MAD1L1: variants seen among roughly 807,000 people sequenced by gnomAD.
MAD1L1 encodes mitotic arrest deficient 1 like 1.
A neutral mutation model predicts 96.9 loss-of-function variants in MAD1L1; 95 were observed. That is an observed-to-expected ratio of 0.98 (90% CI 0.83 to 1.16). The LOEUF (loss-of-function observed/expected upper bound fraction) is 1.16. Among genes scored for constraint, MAD1L1 ranks in the 50% most tolerant of loss-of-function variants. The probability of loss-of-function intolerance (pLI) is 0.00; values close to 1 mark genes in which losing one functional copy is unlikely to be tolerated. For missense variants in MAD1L1, 1,007 were observed against 954.4 expected (o/e 1.06, Z -0.73); for synonymous variants, 473 against 396.6 (o/e 1.19, Z -2.29).
intron 12 of MAD1L1, among the ~76,000 whole-genome samples, chr7:2,044,543 T>C (rs970393666): frequency 6.6e-6 from 1 of 152,106 alleles, no homozygotes; most frequent in African/African-American, 2.4e-5. Context: ...GATAACACAA[T>C]TTCCCAAATG....
chr7:1,873,959 C>T (rs925160019), intron 18 of MAD1L1, among the ~76,000 whole-genome samples: 37 of 152,120 alleles, frequency 2.4e-4, no homozygotes, highest in Non-Finnish European at 4.9e-4. Flanking sequence ...GCCAGAGGGC[C>T]TCTTGGAGCA....
At chr7:1,821,018 T>A (rs1299415932) in intron 18 of MAD1L1, among the ~76,000 whole-genome samples, 4 of 140,082 alleles carry the variant, frequency 2.9e-5, no homozygotes, top group Non-Finnish European at 3.0e-5. Flanking sequence ...GAGGCGGAGC[T>A]TGCAGTGAGC....
intron 14 of MAD1L1, among the ~76,000 whole-genome samples, chr7:1,987,927 C>G (rs184943382): frequency 6.6e-6 from 1 of 152,212 alleles, no homozygotes; most frequent in Non-Finnish European, 1.5e-5. Context: ...ATGTCTGAAG[C>G]TCCGATCTCT....
At chr7:2,062,610 C>T (rs1416711161) in intron 12 of MAD1L1, among the ~76,000 whole-genome samples, 2 of 151,854 alleles carry the variant, frequency 1.3e-5, no homozygotes, top group African/African-American at 4.8e-5. Flanking sequence ...AGTCAGGAGG[C>T]GCTTGCCCTG....
intron 11 of MAD1L1, among the ~76,000 whole-genome samples, chr7:2,110,794 T>G (rs555083293): frequency 6.6e-6 from 1 of 152,268 alleles, no homozygotes; most frequent in South Asian, 2.1e-4. Context: ...GAGCAGGGAA[T>G]TCCATGGTGC....
At chr7:2,115,326 C>G (rs1328090193) in intron 11 of MAD1L1, among the ~76,000 whole-genome samples, 2 of 147,560 alleles carry the variant, frequency 1.4e-5, no homozygotes, top group African/African-American at 5.1e-5. Context: ...GACAGGGTCC[C>G]CACGTGTTCC....
Position 2,216,284 on chromosome 7 carries a change from G to A in MAD1L1, c.682C>T (p.Leu228=), listed in dbSNP as rs774509268. The A allele has an allele frequency of 1.9e-6, 3 of 1,613,382 alleles. No individual in the cohort carries two copies. The highest frequency in any genetic ancestry group is 1.7e-5 in the Admixed American group (1 of 59,832). ...TCTTGCAGGGACAGCTTCTGCTCCA[G>A]ATCCTGATGGAGGCCAGGGACAGAG... ...RADHEQQIKD[L]EQKLSLQEQD... is the part of the protein sequence containing the mutation. The change falls in exon 8 of 19, where the codon CTG becomes TTG. Residue 228 remains leucine (L), a synonymous_variant. Coordinates refer to ENST00000265854, the MANE Select transcript of MAD1L1 (RefSeq NM_001013836.2).
chr7:2,118,563 C>T (rs576365720), intron 11 of MAD1L1, among the ~76,000 whole-genome samples: 3 of 152,354 alleles, frequency 2.0e-5, no homozygotes, highest in Non-Finnish European at 4.4e-5. Flanking sequence ...GCATTTTCTC[C>T]CCAGCAAGCA....
chr7:1,816,674 C>T (rs1377897124), intron 18 of MAD1L1, among the ~76,000 whole-genome samples: 2 of 152,054 alleles, frequency 1.3e-5, no homozygotes, highest in East Asian at 3.9e-4. Flanking sequence ...CGCTGGGGGC[C>T]CAGGGGGAGT....
chr7:2,003,593 C>T (rs1217244671), intron 13 of MAD1L1, among the ~76,000 whole-genome samples: 1 of 152,106 alleles, frequency 6.6e-6, no homozygotes, highest in East Asian at 1.9e-4. Flanking sequence ...GGTGTGAGCA[C>T]CTGAGCCTCC....
At chr7:2,082,073 T>A (rs1785681831) in intron 11 of MAD1L1, among the ~76,000 whole-genome samples, 1 of 151,548 alleles carries the variant, frequency 6.6e-6, no homozygotes, top group Non-Finnish European at 1.5e-5. Flanking sequence ...CACAAGAACT[T>A]ATGTAAGAAG....
chr7:1,865,819 G>C (rs1282649077), intron 18 of MAD1L1, among the ~76,000 whole-genome samples: 2 of 152,254 alleles, frequency 1.3e-5, no homozygotes, highest in Non-Finnish European at 2.9e-5. Flanking sequence ...TCGAATGGCA[G>C]CCCCTCCTGC....
intron 10 of MAD1L1, among the ~76,000 whole-genome samples, chr7:2,172,220 C>T (rs1449288696): frequency 1.3e-5 from 2 of 152,216 alleles, no homozygotes; most frequent in African/African-American, 4.8e-5. Flanking sequence ...TTCCTCACCA[C>T]ACAGCTTTCA....
chr7:2,209,076 A>G lies in MAD1L1; in HGVS notation c.986+4136T>C, dbSNP rs563072412. Among the ~76,000 whole-genome samples the G allele has an allele frequency of 2.7e-3, 415 of 152,282 alleles. 4 individuals are homozygous for G. Among genetic ancestry groups the G allele is most frequent in the African/African-American group, 9.4e-3 (391 of 41,546 alleles). On this transcript the variant is annotated intron_variant, in intron 10 of 18. Coordinates refer to ENST00000265854, the MANE Select transcript of MAD1L1 (RefSeq NM_001013836.2). ...TGTGTCCCTCCTTGCCTGTGACTTC[A>G]AAGTCGTAGAAACTAACATGCCCCC... is the stretch of plus-strand genomic sequence containing the variant.
chr7:2,044,303 G>A (rs888793900), intron 12 of MAD1L1, among the ~76,000 whole-genome samples: 54 of 152,188 alleles, frequency 3.5e-4, no homozygotes, highest in East Asian at 9.6e-4. Flanking sequence ...AGACACAGAC[G>A]AATGACTTCG....
Position 1,842,950 on chromosome 7 carries a change from C to A in MAD1L1, c.1999-26722G>T, listed in dbSNP as rs190997317. Among the ~76,000 whole-genome samples the A allele has an allele frequency of 2.7e-3, 411 of 152,356 alleles. 4 individuals are homozygous for A. Among genetic ancestry groups the A allele is most frequent in the African/African-American group, 9.7e-3 (405 of 41,588 alleles). The stretch of plus-strand genomic sequence containing the variant: ...GGGCTGGCTGGGGTGAGTCCGAGGC[C>A]GGGCTCCAGCACAGCCTTCAAGTGA... On this transcript the variant is annotated intron_variant, in intron 18 of 18. Coordinates refer to ENST00000265854, the MANE Select transcript of MAD1L1 (RefSeq NM_001013836.2).
At chr7:1,914,792 A>ATTATTG (rs1204800727) in intron 17 of MAD1L1, among the ~76,000 whole-genome samples, 2 of 151,620 alleles carry the variant, frequency 1.3e-5, no homozygotes, top group Non-Finnish European at 2.9e-5. Flanking sequence ...TATTATTATT[A>ATTATTG]TTTTTATAAA....
At chr7:1,986,097 C>T (rs957707426) in intron 14 of MAD1L1, among the ~76,000 whole-genome samples, 1 of 152,300 alleles carries the variant, frequency 6.6e-6, no homozygotes, top group Non-Finnish European at 1.5e-5. Flanking sequence ...CGGCTCCGTG[C>T]ACAGGTTCAC....
At chr7:2,038,498 CTTTTTTTTTTTTTTTTTTT>C (rs60466584) in intron 12 of MAD1L1, among the ~76,000 whole-genome samples, 394 of 92,890 alleles carry the variant, frequency 4.2e-3, no homozygotes, top group Non-Finnish European at 6.3e-3. Context: ...AAGCTGATGA[CTTTTTTTTTTTTTTTTTTT>C]TTTTTTTTTG....
Sources: allele counts gnomAD v4.1 joint callset (sites outside exome capture counted in the v4.1 genomes callset), GRCh38; gene constraint gnomAD v4.1.1; transcripts MANE v1.5; gene names NCBI Gene and HGNC (gene_info 2026-07-23, HGNC 2026-07-21).